ITPR1: variants seen among roughly 807,000 people sequenced by gnomAD.
The protein encoded by ITPR1 is inositol 1,4,5-trisphosphate receptor type 1.
ITPR1 carries 96 observed loss-of-function variants against 318.4 expected under a neutral mutation model. The ratio of observed to expected loss-of-function variants is 0.30; its 90% CI spans 0.26 to 0.36. ITPR1 has a LOEUF of 0.36. ITPR1 is among the 10% of genes least tolerant of loss of function. The probability of loss-of-function intolerance (pLI) is 1.00; values close to 1 mark genes in which losing one functional copy is unlikely to be tolerated. For missense variants in ITPR1, 2,440 were observed against 3,460.2 expected (o/e 0.71, Z 7.40); for synonymous variants, 1,312 against 1,289.9 (o/e 1.02, Z -0.37).
intron 2 of ITPR1, among the ~76,000 whole-genome samples, chr3:4,509,381 G>A (rs911803906): frequency 6.6e-6 from 1 of 152,150 alleles, no homozygotes; most frequent in African/African-American, 2.4e-5. Flanking sequence ...ATAAAAGTTA[G>A]ATATTTTGTT....
intron 44 of ITPR1, chr3:4,750,057 G>T (rs1400062187): frequency 6.6e-6 from 1 of 152,658 alleles, no homozygotes; most frequent in East Asian, 1.9e-4. Context: ...AGGGTATGTG[G>T]AAACCACCAG....
Position 4,777,252 on chromosome 3 carries a change from G to T in ITPR1, c.6181-12G>T, listed in dbSNP as rs1329918792. 10 of 1,532,718 alleles carry T rather than the reference G, an allele frequency of 6.5e-6. No individual in the cohort carries two copies. The highest frequency in any genetic ancestry group is 9.0e-6 in the Non-Finnish European group (10 of 1,116,668). 94.9% of individuals were successfully genotyped at this position (1,532,718 alleles called of 1,614,324 possible). A position where few individuals can be genotyped will look rare whatever the true frequency, so the allele number is the denominator to read the frequency against. Reference sequence around the variant, plus strand: ...AGCGTTTGTGTGAATGTCTGTGTGTGTCTTTGCTCAGAACTGCATAGCCAC... The same window carrying T: ...AGCGTTTGTGTGAATGTCTGTGTGTTTCTTTGCTCAGAACTGCATAGCCAC... On this transcript the variant is annotated splice_polypyrimidine_tract_variant and intron_variant, in intron 47 of 61. Coordinates refer to ENST00000649015, the MANE Select transcript of ITPR1 (RefSeq NM_001378452.1).
chr3:4,706,362 G>C lies in ITPR1; in HGVS notation c.4842+11G>C, dbSNP rs1337951108. 2.5e-6 allele frequency: 4 copies of C among 1,598,004 alleles called. No individual in the cohort carries two copies. On this transcript the variant is annotated intron_variant, in intron 37 of 61. Coordinates refer to ENST00000649015, the MANE Select transcript of ITPR1 (RefSeq NM_001378452.1). ...ATTGAGAGATTGCAGGTAATGCCTGGTGTTGAGAGAAGTGATGCTTAGCCT... is the reference window on the plus strand; with the variant it reads ...ATTGAGAGATTGCAGGTAATGCCTGCTGTTGAGAGAAGTGATGCTTAGCCT...
At chr3:4,685,033 CT>C in intron 29 of ITPR1, 35 bp from the exon 30 acceptor site, 2 of 1,597,302 alleles carry the variant, frequency 1.3e-6, no homozygotes, top group Admixed American at 3.5e-5. Flanking sequence ...GCTATAGTTC[CT>C]AGTTTTCTGA....
intron 60 of ITPR1, among the ~76,000 whole-genome samples, chr3:4,832,621 C>A (rs1339010066): frequency 6.6e-6 from 1 of 152,078 alleles, no homozygotes; most frequent in African/African-American, 2.4e-5. Flanking sequence ...GGTGACACAC[C>A]AAGACTCCGT....
At chr3:4,744,128 G>T (rs574228031) in intron 44 of ITPR1, among the ~76,000 whole-genome samples, 11 of 152,200 alleles carry the variant, frequency 7.2e-5, no homozygotes, top group South Asian at 6.2e-4. Context: ...GAGCCACCAC[G>T]CTGGCTAGGA....
At chr3:4,527,055 G>C (rs2083039537) in intron 4 of ITPR1, among the ~76,000 whole-genome samples, 1 of 152,192 alleles carries the variant, frequency 6.6e-6, no homozygotes, top group African/African-American at 2.4e-5. Flanking sequence ...CCTGAGACCA[G>C]AGCGCATCTA....
At chr3:4,761,180 G>C (rs1350275445) in intron 44 of ITPR1, among the ~76,000 whole-genome samples, 1 of 152,118 alleles carries the variant, frequency 6.6e-6, no homozygotes, top group Non-Finnish European at 1.5e-5. Flanking sequence ...GTGCAGGTTT[G>C]TTACCTGGGT....
At chr3:4,542,360 C>T (rs304003) in intron 4 of ITPR1, among the ~76,000 whole-genome samples, 117,159 of 152,064 alleles carry the variant, frequency 0.77, 47,094 homozygotes, top group Non-Finnish European at 0.89. Context: ...GGGTTAAAGT[C>T]ATGTTTCTCC....
At chr3:4,653,076 A>G (rs2125173097) in intron 11 of ITPR1, among the ~76,000 whole-genome samples, 1 of 152,320 alleles carries the variant, frequency 6.6e-6, no homozygotes, top group South Asian at 2.1e-4. Context: ...TTTGTATCAA[A>G]TGAAGCAGCC....
At chr3:4,766,450 T>G in intron 44 of ITPR1, 80 bp from the exon 45 acceptor site, 1 of 1,218,868 alleles carries the variant, frequency 8.2e-7, no homozygotes, top group Non-Finnish European at 1.2e-6. Context: ...GCTCTGATCT[T>G]CATTAGGTTT....
At chr3:4,586,002 G>A (rs967578284) in intron 4 of ITPR1, among the ~76,000 whole-genome samples, 2 of 137,886 alleles carry the variant, frequency 1.5e-5, no homozygotes, top group African/African-American at 5.5e-5. Context: ...TCCCACTTAT[G>A]AGTGAGAACA....
intron 39 of ITPR1, among the ~76,000 whole-genome samples, chr3:4,715,759 A>G (rs180970124): frequency 6.0e-4 from 91 of 152,318 alleles, no homozygotes; most frequent in African/African-American, 2.1e-3. Context: ...AGGCTGAGGC[A>G]GGAGAATTAC....
intron 61 of ITPR1, among the ~76,000 whole-genome samples, chr3:4,841,041 G>A (rs1378836997): frequency 6.6e-6 from 1 of 152,170 alleles, no homozygotes; most frequent in Non-Finnish European, 1.5e-5. Flanking sequence ...AAGGACAGAA[G>A]GCATAACACA....
chr3:4,752,306 G>A (rs1207230011), intron 44 of ITPR1, among the ~76,000 whole-genome samples: 1 of 152,214 alleles, frequency 6.6e-6, no homozygotes, highest in African/African-American at 2.4e-5. Flanking sequence ...CAGGTTTGGA[G>A]ACGGAAGGTG....
At chr3:4,595,226 T>G (rs773438186) in intron 4 of ITPR1, among the ~76,000 whole-genome samples, 2 of 152,190 alleles carry the variant, frequency 1.3e-5, no homozygotes, top group African/African-American at 2.4e-5. Flanking sequence ...TGCAGACATA[T>G]AGGAAGCATG....
chr3:4,627,075 C>A (rs2092853154), intron 4 of ITPR1, among the ~76,000 whole-genome samples: 2 of 152,154 alleles, frequency 1.3e-5, no homozygotes, highest in African/African-American at 4.8e-5. Flanking sequence ...CCTGCCTCAG[C>A]CTCCCAAAGT....
chr3:4,589,566 G>A (rs146842580), intron 4 of ITPR1, among the ~76,000 whole-genome samples: 81 of 152,232 alleles, frequency 5.3e-4, no homozygotes, highest in African/African-American at 1.8e-3. Context: ...GACTGCTGTG[G>A]CCTTCTAGTA....
intron 52 of ITPR1, among the ~76,000 whole-genome samples, chr3:4,792,345 C>T (rs553962873): frequency 4.1e-4 from 62 of 152,314 alleles, no homozygotes; most frequent in African/African-American, 1.5e-3. Flanking sequence ...ATTTGGCTGC[C>T]ACAGAAAGTA....
Sources: allele counts gnomAD v4.1 joint callset (sites outside exome capture counted in the v4.1 genomes callset), GRCh38; gene constraint gnomAD v4.1.1; transcripts MANE v1.5; gene names NCBI Gene and HGNC (gene_info 2026-07-23, HGNC 2026-07-21).